BTG1: variants seen among roughly 807,000 people sequenced by gnomAD.
BTG1 encodes the protein BTG anti-proliferation factor 1.
In BTG1, 2 loss-of-function variants were observed where a neutral mutation model predicts 15.2. That is an observed-to-expected ratio of 0.13 (90% CI 0.05 to 0.41). BTG1 has a LOEUF of 0.41. BTG1 is among the 10% of genes least tolerant of loss of function. BTG1 has a pLI of 0.99. For synonymous variants in BTG1, 109 were observed against 82.4 expected, an observed-to-expected ratio of 1.32 and a Z score of -1.75; for missense variants, 149 against 215.0, an observed-to-expected ratio of 0.69 and a Z score of 1.92.
intron 1 of BTG1, chr12:92,145,087 A>G (rs1292769199): frequency 8.4e-6 from 2 of 237,272 alleles, no homozygotes; most frequent in East Asian, 1.7e-4. Context: ...TTTGTCCCCA[A>G]ATCCGCCGAC....
chr12:92,144,838 G>C (rs1870479265), intron 1 of BTG1, among the ~76,000 whole-genome samples: 1 of 152,156 alleles, frequency 6.6e-6, no homozygotes, highest in Non-Finnish European at 1.5e-5. Flanking sequence ...TGTTAACCCC[G>C]AAGGGAAGAA....
rs989498846 is a variant in BTG1, at chr12:92,140,680, T to C, written c.*3400A>G. 1 of 231,994 alleles carries C rather than the reference T, an allele frequency of 4.3e-6. No homozygotes were observed. Among genetic ancestry groups the C allele is most frequent in the African/African-American group, 2.2e-5 (1 of 45,274 alleles). The allele number at this position is 231,994 out of a possible 1,614,324, so 14.4% of individuals were successfully genotyped here. The stretch of plus-strand genomic sequence containing the variant: ...GATACTGTTATATTAGTTCCAAATA[T>C]GAAAATAAACCGGTTATATTTTGAT... On this transcript the variant is annotated 3_prime_UTR_variant, in exon 2 of 2. Coordinates refer to ENST00000256015, the MANE Select transcript of BTG1 (RefSeq NM_001731.3).
chr12:92,144,356 A>G lies in BTG1; in HGVS notation c.240T>C (p.Ile80=), dbSNP rs772288628. Residue 80 remains isoleucine, a synonymous_variant, in exon 2 of 2, where the codon ATT becomes ATC. Transcript: ENST00000256015. ...GTCCAATCCGCTGTGCTGCCTGTCCAATCAGAGGATCCATTTTATGGTTGA... is the reference window on the plus strand; with the variant it reads ...GTCCAATCCGCTGTGCTGCCTGTCCGATCAGAGGATCCATTTTATGGTTGA... The part of the protein sequence containing the change: ...IRINHKMDPL[I]GQAAQRIGLS... The G allele has an allele frequency of 6.2e-7, 1 of 1,614,224 alleles. No homozygotes were observed. The highest frequency in any genetic ancestry group is 1.7e-5 in the Admixed American group (1 of 60,018).
At position 92,143,580 on chromosome 12, in the gene BTG1, T is replaced by C; in HGVS notation, c.*500A>G. 1 of 236,716 alleles carries C rather than the reference T, an allele frequency of 4.2e-6. No individual in the cohort carries two copies. 14.7% of individuals were successfully genotyped at this position (236,716 alleles called of 1,614,324 possible). A position where few individuals can be genotyped will look rare whatever the true frequency, so the allele number is the denominator to read the frequency against. On this transcript the variant is annotated 3_prime_UTR_variant, in exon 2 of 2. Coordinates refer to ENST00000256015, the MANE Select transcript of BTG1 (RefSeq NM_001731.3). ...GGTCATGCTTACTAGTTTGTCTTTA[T>C]GTACATTTATACATATTTAAGTGCT...
chr12:92,144,468 A>C, intron 1 of BTG1, 21 bp from the exon 2 acceptor site: 1 of 1,609,726 alleles, frequency 6.2e-7, no homozygotes. Flanking sequence ...AAAGAAGAAC[A>C]GAGAAACAAC....
intron 1 of BTG1, 37 bp from the exon 2 acceptor site, chr12:92,144,484 G>A: frequency 6.2e-7 from 1 of 1,602,282 alleles, no homozygotes; most frequent in South Asian, 1.1e-5. Flanking sequence ...ACAACGCTTA[G>A]GATCGTTAGC....
rs1229535059 is a variant in BTG1 at position 92,144,358 on chromosome 12, T to C, written c.238A>G (p.Ile80Val). The change falls in exon 2 of 2, where the codon ATT becomes GTT. Residue 80 changes from isoleucine (I) to valine (V), a missense_variant. Transcript: ENST00000256015. ...CCAATCCGCTGTGCTGCCTGTCCAA[T>C]CAGAGGATCCATTTTATGGTTGATG... Reference protein sequence around the residue: ...IRINHKMDPLIGQAAQRIGLS... With the variant: ...IRINHKMDPLVGQAAQRIGLS... 5 of 1,614,064 alleles carry C rather than the reference T, an allele frequency of 3.1e-6. No individual in the cohort carries two copies. The Admixed American group carries it at 6.7e-5, about 22-fold the overall frequency.
At position 92,141,770 on chromosome 12, in the gene BTG1, A is replaced by G. The variant is rs1565853482; in HGVS notation, c.*2310T>C. The G allele has an allele frequency of 4.3e-6, 1 of 232,650 alleles. No individual in the cohort carries two copies. Among genetic ancestry groups the G allele is most frequent in the African/African-American group, 2.2e-5 (1 of 45,322 alleles). The allele number at this position is 232,650 out of a possible 1,614,324, so 14.4% of individuals were successfully genotyped here. A position where few individuals can be genotyped will look rare whatever the true frequency, so the allele number is the denominator to read the frequency against. ...AAGACAAACTTATAAACAGCTCCTC[A>G]CAAGCCAGACATCACCTGAATTCTA... On this transcript the variant is annotated 3_prime_UTR_variant, in exon 2 of 2. Coordinates refer to ENST00000256015, the MANE Select transcript of BTG1 (RefSeq NM_001731.3).
chr12:92,142,788 G>C lies in BTG1; in HGVS notation c.*1292C>G, dbSNP rs1344855777. 4 of 232,950 alleles carry C rather than the reference G, an allele frequency of 1.7e-5. No individual in the cohort carries two copies. Among genetic ancestry groups the C allele is most frequent in the Non-Finnish European group, 3.4e-5 (4 of 118,002 alleles). The allele number at this position is 232,950 out of a possible 1,614,324, so 14.4% of individuals were successfully genotyped here. ...CAAAGTAATTGTTTTTCAAAGGTGGGTCAGAATGGAACATTTATATCTTCA... is the reference window on the plus strand; with the variant it reads ...CAAAGTAATTGTTTTTCAAAGGTGGCTCAGAATGGAACATTTATATCTTCA... On this transcript the variant is annotated 3_prime_UTR_variant, in exon 2 of 2. Coordinates refer to ENST00000256015, the MANE Select transcript of BTG1 (RefSeq NM_001731.3).
intron 1 of BTG1, 112 bp downstream of exon 1, chr12:92,145,276 G>A: frequency 7.6e-7 from 1 of 1,322,028 alleles, no homozygotes; most frequent in Non-Finnish European, 9.7e-7. Flanking sequence ...CCGCGGCGGG[G>A]CCCAAGCGCG....
chr12:92,142,939 A>T lies in BTG1; in HGVS notation c.*1141T>A, dbSNP rs912945981. ...GAATGTGTCCATGTTTTGACTTTAG[A>T]AATTTTTAAAACATGCTACTCCTGT... On this transcript the variant is annotated 3_prime_UTR_variant, in exon 2 of 2. Transcript: ENST00000256015. 1 of 232,950 alleles carries T rather than the reference A, an allele frequency of 4.3e-6. No homozygotes were observed. The highest frequency in any genetic ancestry group is 5.6e-5 in the Admixed American group (1 of 17,772). 14.4% of individuals were successfully genotyped at this position (232,950 alleles called of 1,614,324 possible).
At chr12:92,145,139 CT>C in intron 1 of BTG1, 1 of 417,688 alleles carries the variant, frequency 2.4e-6, no homozygotes, top group Non-Finnish European at 3.9e-6. Flanking sequence ...GCTTAAGTTT[CT>C]TTGTTGTGCG....
rs1178909972 is a variant in BTG1 at position 92,141,786 on chromosome 12, C to T, written c.*2294G>A. 4.3e-6 allele frequency: 1 copy of T among 232,376 alleles called. No individual in the cohort carries two copies. Among genetic ancestry groups the T allele is most frequent in the African/African-American group, 2.2e-5 (1 of 45,272 alleles). The allele number at this position is 232,376 out of a possible 1,614,324, so 14.4% of individuals were successfully genotyped here. A position where few individuals can be genotyped will look rare whatever the true frequency, so the allele number is the denominator to read the frequency against. ...CAGCTCCTCACAAGCCAGACATCAC[C>T]TGAATTCTAAAATAAACATTTTTAT... On this transcript the variant is annotated 3_prime_UTR_variant, in exon 2 of 2. Coordinates refer to ENST00000256015, the MANE Select transcript of BTG1 (RefSeq NM_001731.3).
chr12:92,144,955 G>C (rs1046260115), intron 1 of BTG1: 1 of 194,012 alleles, frequency 5.2e-6, no homozygotes, highest in East Asian at 1.7e-4. Flanking sequence ...CGGCACGTCC[G>C]TTCTGAGCTG....
Position 92,144,332 on chromosome 12 carries a change from T to C in BTG1, c.264A>G (p.Gly88=). The C allele has an allele frequency of 2.5e-6, 4 of 1,614,226 alleles. No homozygotes were observed. In the South Asian group the frequency reaches 4.4e-5, roughly 18 times the overall value. ...PLIGQAAQRI[G]LSSQELFRLL... is the part of the protein sequence containing the mutation. ...GCCTGAACAGCTCCTGACTGCTCAG[T>C]CCAATCCGCTGTGCTGCCTGTCCAA... Residue 88 remains glycine, a synonymous_variant, in exon 2 of 2, where the codon GGA becomes GGG. Transcript: ENST00000256015.
intron 1 of BTG1, chr12:92,145,090 C>T (rs1031976052): frequency 4.1e-6 from 1 of 242,034 alleles, no homozygotes; most frequent in South Asian, 9.8e-5. Context: ...GTCCCCAAAT[C>T]CGCCGACGGT....
chr12:92,145,311 T>G, intron 1 of BTG1, 77 bp downstream of exon 1: 1 of 1,363,664 alleles, frequency 7.3e-7, no homozygotes, highest in Non-Finnish European at 9.5e-7. Flanking sequence ...GCTGCCGAGG[T>G]TCCCGCAGCC....
At position 92,143,558 on chromosome 12, in the gene BTG1, C is replaced by T. The variant is rs1870387406; in HGVS notation, c.*522G>A. 1 of 235,384 alleles carries T rather than the reference C, an allele frequency of 4.2e-6. No homozygotes were observed. The highest frequency in any genetic ancestry group is 5.6e-5 in the Admixed American group (1 of 17,794). 14.6% of individuals were successfully genotyped at this position (235,384 alleles called of 1,614,324 possible). On this transcript the variant is annotated 3_prime_UTR_variant, in exon 2 of 2. Transcript: ENST00000256015. ...ACAAGGTCTGACCATTTCCCCAGGT[C>T]ATGCTTACTAGTTTGTCTTTATGTA... is the stretch of plus-strand genomic sequence containing the variant.
chr12:92,143,926 TAA>T lies in BTG1; in HGVS notation c.*152_*153del. ...CTGTCCAAACTATGGCACTGTCACT[TAA>T]AATTTTTTTTTTTTTTACCATTCTA... On this transcript the variant is annotated 3_prime_UTR_variant, in exon 2 of 2. Transcript: ENST00000256015. The T allele has an allele frequency of 1.2e-6, 1 of 860,302 alleles. No individual in the cohort carries two copies. Among genetic ancestry groups the T allele is most frequent in the Non-Finnish European group, 1.7e-6 (1 of 598,248 alleles). 53.3% of individuals were successfully genotyped at this position (860,302 alleles called of 1,614,324 possible). A position where few individuals can be genotyped will look rare whatever the true frequency, so the allele number is the denominator to read the frequency against.
Sources: allele counts gnomAD v4.1 joint callset (sites outside exome capture counted in the v4.1 genomes callset), GRCh38; gene constraint gnomAD v4.1.1; transcripts MANE v1.5; gene names NCBI Gene and HGNC (gene_info 2026-07-23, HGNC 2026-07-21).